Variants in PTPRU observed in about 807,000 individuals in gnomAD.
PTPRU encodes protein tyrosine phosphatase receptor type U.
Under a neutral mutation model 166.3 loss-of-function variants are expected in PTPRU, and 69 were observed. That is an observed-to-expected ratio of 0.41 (90% confidence interval 0.34 to 0.51). The LOEUF (loss-of-function observed/expected upper bound fraction) is 0.51, where lower values mean the gene tolerates loss of function less well. Among genes scored for constraint, PTPRU ranks in the 20% least tolerant of loss-of-function variants. The pLI, the probability that PTPRU is intolerant of heterozygous loss-of-function variation, is 0.09. For missense variants in PTPRU, 1,657 were observed against 2,013.7 expected (o/e 0.82, Z 3.39); for synonymous variants, 793 against 814.0 (o/e 0.97, Z 0.44).
chr1:29,324,786 C>T (rs1210302481), intron 28 of PTPRU, among the ~76,000 whole-genome samples: 7 of 152,186 alleles, frequency 4.6e-5, no homozygotes, highest in African/African-American at 1.7e-4. Flanking sequence ...TTCCCTAGCC[C>T]CGCCCCTTAC....
chr1:29,310,805 C>T lies in PTPRU; in HGVS notation c.2857+25C>T, dbSNP rs149573293. ...GGTACCTGGCACTTCTGCCCACATG[C>T]GCCTTCCCATGTGCCTCCCAGCGTG... is the stretch of plus-strand genomic sequence containing the variant. On this transcript the variant is annotated intron_variant, in intron 19 of 29. Transcript: ENST00000373779. The T allele has an allele frequency of 9.4e-4, 1,514 of 1,610,334 alleles. 16 individuals are homozygous for T. The African/African-American group carries it at 0.017, about 18-fold the overall frequency.
intron 7 of PTPRU, among the ~76,000 whole-genome samples, chr1:29,269,499 C>A (rs975410588): frequency 6.6e-6 from 1 of 151,614 alleles, no homozygotes; most frequent in East Asian, 1.9e-4. Flanking sequence ...CATAGGCTGG[C>A]CAGGACGGAA....
chr1:29,275,104 T>TCATGCATCC (rs1685733965), intron 7 of PTPRU, among the ~76,000 whole-genome samples: 1 of 151,932 alleles, frequency 6.6e-6, no homozygotes, highest in Admixed American at 6.6e-5. Context: ...TTAGCCATTG[T>TCATGCATCC]CATGCATCCT....
At chr1:29,298,919 G>T (rs1325723993) in intron 15 of PTPRU, among the ~76,000 whole-genome samples, 1 of 152,276 alleles carries the variant, frequency 6.6e-6, no homozygotes, top group East Asian at 1.9e-4. Context: ...AATTGTGCTG[G>T]GCACTCAATA....
At chr1:29,258,913 C>A in intron 3 of PTPRU, 137 bp downstream of exon 3, 1 of 1,323,212 alleles carries the variant, frequency 7.6e-7, no homozygotes, top group Non-Finnish European at 1.0e-6. Flanking sequence ...TGGTCAAGGC[C>A]AGGGGTCAGT....
chr1:29,273,578 T>C (rs931539987), intron 7 of PTPRU, among the ~76,000 whole-genome samples: 1 of 151,940 alleles, frequency 6.6e-6, no homozygotes, highest in African/African-American at 2.4e-5. Flanking sequence ...CAACTTTTTA[T>C]TTTTTGTAGA....
chr1:29,302,811 A>T (rs1051159496), intron 15 of PTPRU, among the ~76,000 whole-genome samples: 1 of 152,048 alleles, frequency 6.6e-6, no homozygotes, highest in Non-Finnish European at 1.5e-5. Context: ...GGCCTCCCAA[A>T]TTTCTGGGAT....
rs1371453562 is a variant in PTPRU at position 29,275,671 on chromosome 1, T to C, written c.1368T>C (p.Tyr456=). ...SRYTIKNLLP[Y]RNVHVRLVLT... ...ACACCATCAAGAACCTGCTGCCCTA[T>C]CGGAACGTTCACGTGAGGCTTGTCC... Residue 456 remains tyrosine (Y), a synonymous_variant, in exon 8 of 30, where the codon TAT becomes TAC. Coordinates refer to ENST00000373779, the MANE Select transcript of PTPRU (RefSeq NM_133178.4). 2 of 1,613,988 alleles carry C rather than the reference T, an allele frequency of 1.2e-6. No individual in the cohort carries two copies. Among genetic ancestry groups the C allele is most frequent in the Non-Finnish European group, 1.7e-6 (2 of 1,180,028 alleles).
Position 29,236,552 on chromosome 1 carries a change from CGGCTCGG to C in PTPRU, c.-91_-85del. ...CGCTCCGCGCCGCGCCGCTCCGCTC[CGGCTCGG>C]GCTCCGGCTCGCCTCGGGCTGGGCT... is the stretch of plus-strand genomic sequence containing the variant. On this transcript the variant is annotated 5_prime_UTR_variant, in exon 1 of 30. Transcript: ENST00000373779. The surrounding 1 kb of genome is among the most constrained non-coding windows in gnomAD (Gnocchi z 4.6). 1.0e-6 allele frequency: 1 copy of C among 1,004,190 alleles called. No homozygotes were observed. Among genetic ancestry groups the C allele is most frequent in the Non-Finnish European group, 1.2e-6 (1 of 806,688 alleles). The allele number at this position is 1,004,190 out of a possible 1,614,324, so 62.2% of individuals were successfully genotyped here.
rs1407427961 is a variant in PTPRU, at chr1:29,275,555, A to G, written c.1252A>G (p.Thr418Ala). 1 of 1,613,940 alleles carries G rather than the reference A, an allele frequency of 6.2e-7. No individual in the cohort carries two copies. Reference sequence around the variant, plus strand: ...CAACGTGACGCGTTGCCACACCTATACTGTGTCGCTGTGCTATCACTACAC... The same window carrying G: ...CAACGTGACGCGTTGCCACACCTATGCTGTGTCGCTGTGCTATCACTACAC... ...GYNVTRCHTYTVSLCYHYTLG... is the reference protein window; with the variant it reads ...GYNVTRCHTYAVSLCYHYTLG... The change falls in exon 8 of 30, where the codon ACT (threonine) becomes GCT (alanine). Residue 418 changes from threonine (T) to alanine (A), a missense_variant. Thr to Ala is a moderately conservative substitution (Grantham distance 58). Coordinates refer to ENST00000373779, the MANE Select transcript of PTPRU (RefSeq NM_133178.4).
In PTPRU at chr1:29,279,327, C is replaced by T. The variant is rs1685954699; in HGVS notation, c.1564-129C>T. Reference sequence around the variant, plus strand: ...GAGCCGAAGATGACTAGAAGCCTGGCTTGATGGCATCCATAGTCTCCTTTG... The same window carrying T: ...GAGCCGAAGATGACTAGAAGCCTGGTTTGATGGCATCCATAGTCTCCTTTG... On this transcript the variant is annotated intron_variant, in intron 9 of 29. Transcript: ENST00000373779. This position sits in a 1 kb window ranked among gnomAD's most constrained non-coding sequence, Gnocchi z 5.2. 17 of 1,135,962 alleles carry T rather than the reference C, an allele frequency of 1.5e-5. No homozygotes were observed. The highest frequency in any genetic ancestry group is 1.5e-5 in the Non-Finnish European group (12 of 783,620). The allele number at this position is 1,135,962 out of a possible 1,614,324, so 70.4% of individuals were successfully genotyped here. A position where few individuals can be genotyped will look rare whatever the true frequency, so the allele number is the denominator to read the frequency against.
intron 2 of PTPRU, among the ~76,000 whole-genome samples, chr1:29,255,929 C>A (rs561578727): frequency 1.4e-4 from 21 of 152,346 alleles, no homozygotes; most frequent in African/African-American, 4.8e-4. Context: ...CCTTTGTCAT[C>A]CTGAGCTCTG....
rs773522864 is a variant in PTPRU, at chr1:29,303,907, C to T, written c.2529C>T (p.Ser843=). 1.2e-6 allele frequency: 2 copies of T among 1,613,770 alleles called. No individual in the cohort carries two copies. Among genetic ancestry groups the T allele is most frequent in the South Asian group, 2.2e-5 (2 of 91,066 alleles). Residue 843 remains serine, a synonymous_variant, in exon 16 of 30, where the codon TCC becomes TCT. Coordinates refer to ENST00000373779, the MANE Select transcript of PTPRU (RefSeq NM_133178.4). The part of the protein sequence containing the change: ...VTEASSLLGG[S]PRRPCGRKGS... The stretch of plus-strand genomic sequence containing the variant: ...AGGCCAGCAGCCTCCTGGGGGGCTC[C>T]CCGAGGCGTCCCTGTGGCCGGAAGG...
chr1:29,311,341 C>G lies in PTPRU; in HGVS notation c.2858-115C>G, dbSNP rs1225955150. 3.2e-6 allele frequency: 3 copies of G among 944,690 alleles called. No homozygotes were observed. Among genetic ancestry groups the G allele is most frequent in the African/African-American group, 3.2e-5 (2 of 61,638 alleles). 58.5% of individuals were successfully genotyped at this position (944,690 alleles called of 1,614,324 possible). On this transcript the variant is annotated intron_variant, in intron 19 of 29. Coordinates refer to ENST00000373779, the MANE Select transcript of PTPRU (RefSeq NM_133178.4). This position sits in a 1 kb window ranked among gnomAD's most constrained non-coding sequence, Gnocchi z 4.1. ...GGTGTTGTGGGCAGCATGAAGCCCC[C>G]GTTGGGGCTCAGGAGGCCTCCTGGC...
chr1:29,295,604 G>C (rs2151959542), intron 15 of PTPRU, among the ~76,000 whole-genome samples: 1 of 152,104 alleles, frequency 6.6e-6, no homozygotes, highest in South Asian at 2.1e-4. Context: ...TATTGCAAAT[G>C]GTACACTTTT....
chr1:29,244,592 T>C (rs1025870885), intron 1 of PTPRU, among the ~76,000 whole-genome samples: 3 of 152,036 alleles, frequency 2.0e-5, no homozygotes, highest in Non-Finnish European at 4.4e-5. Context: ...CCTGTCAATA[T>C]GTGTTTGTCT....
chr1:29,272,872 A>G (rs1488400068), intron 7 of PTPRU, among the ~76,000 whole-genome samples: 1 of 141,478 alleles, frequency 7.1e-6, no homozygotes, highest in Non-Finnish European at 1.5e-5. Flanking sequence ...CTGCCACTGC[A>G]CTCCAGCTTG....
intron 5 of PTPRU, 36 bp downstream of exon 5, chr1:29,259,600 T>TGGGGTTTTTGGGGGGGGGGGGGGGGGG: frequency 3.9e-6 from 1 of 253,672 alleles, no homozygotes; most frequent in Non-Finnish European, 7.7e-6. Flanking sequence ...GGGGGCGGGG[T>TGGGGTTTTTGGGGGGGGGGGGGGGGGG]GGGAGGGGGT....
In PTPRU at chr1:29,260,114, C is replaced by A; in HGVS notation, c.850+70C>A. 1 of 1,281,970 alleles carries A rather than the reference C, an allele frequency of 7.8e-7. No homozygotes were observed. Among genetic ancestry groups the A allele is most frequent in the African/African-American group, 1.6e-5 (1 of 63,176 alleles). The allele number at this position is 1,281,970 out of a possible 1,614,324, so 79.4% of individuals were successfully genotyped here. On this transcript the variant is annotated intron_variant, in intron 6 of 29. Transcript: ENST00000373779. This position sits in a 1 kb window ranked among gnomAD's most constrained non-coding sequence, Gnocchi z 8.3. ...GGGCGGGGCCGGCGACGGGGGCGGGCTCTGCCCGGGGGCGTGGCCGTGGGG... is the reference window on the plus strand; with the variant it reads ...GGGCGGGGCCGGCGACGGGGGCGGGATCTGCCCGGGGGCGTGGCCGTGGGG...
Sources: allele counts gnomAD v4.1 joint callset (sites outside exome capture counted in the v4.1 genomes callset), GRCh38; gene constraint gnomAD v4.1.1; non-coding constraint Gnocchi (gnomAD v3.1); transcripts MANE v1.5; gene names NCBI Gene and HGNC (gene_info 2026-07-23, HGNC 2026-07-21).